The following TAB2 variants were observed in gnomAD, a reference collection of about 807,000 sequenced individuals.
The protein encoded by TAB2 is TGF-beta-activated kinase 1 and MAP3K7-binding protein 2.
In TAB2, 3 loss-of-function variants were observed where a neutral mutation model predicts 65.0. The observed-to-expected ratio is 0.05, with a 90% CI of 0.02 to 0.12. The LOEUF (loss-of-function observed/expected upper bound fraction) is 0.12. Among genes scored for constraint, TAB2 ranks in the 10% least tolerant of loss-of-function variants. TAB2 has a pLI of 1.00. For missense variants in TAB2, 623 were observed against 840.3 expected (o/e 0.74, Z 3.20); for synonymous variants, 298 against 285.1 (o/e 1.05, Z -0.46).
intron 1 of TAB2, among the ~76,000 whole-genome samples, chr6:149,232,611 A>T (rs1212464846): frequency 6.6e-6 from 1 of 152,182 alleles, no homozygotes; most frequent in Admixed American, 6.5e-5. Context: ...CAGGAATACC[A>T]CTAAGGGAGG....
chr6:149,386,496 T>C (rs1022028559), intron 3 of TAB2, among the ~76,000 whole-genome samples: 3 of 152,112 alleles, frequency 2.0e-5, no homozygotes, highest in Non-Finnish European at 4.4e-5. Flanking sequence ...TAATCTACTT[T>C]CTTTCTCGAT....
chr6:149,260,616 G>C (rs1778133821), intron 1 of TAB2, among the ~76,000 whole-genome samples: 1 of 152,204 alleles, frequency 6.6e-6, no homozygotes, highest in African/African-American at 2.4e-5. Flanking sequence ...AGCCACTAAA[G>C]AGCACGGTGG....
At chr6:149,351,530 T>C (rs1222480139) in intron 1 of TAB2, among the ~76,000 whole-genome samples, 2 of 152,218 alleles carry the variant, frequency 1.3e-5, no homozygotes, top group Non-Finnish European at 2.9e-5. Flanking sequence ...ATGATAGTAT[T>C]GATATTTTAT....
At chr6:149,275,147 T>G (rs1324872545) in intron 1 of TAB2, among the ~76,000 whole-genome samples, 2 of 139,254 alleles carry the variant, frequency 1.4e-5, no homozygotes, top group African/African-American at 5.6e-5. Context: ...TTTTTTTGAG[T>G]TGGAGTCTTG....
chr6:149,372,871 T>G (rs1781277120), intron 2 of TAB2, among the ~76,000 whole-genome samples: 1 of 152,216 alleles, frequency 6.6e-6, no homozygotes, highest in Non-Finnish European at 1.5e-5. Context: ...GCGTCTCTTT[T>G]GGGGCTGCTC....
chr6:149,324,524 A>G (rs937090699), intron 1 of TAB2, among the ~76,000 whole-genome samples: 1 of 152,148 alleles, frequency 6.6e-6, no homozygotes, highest in African/African-American at 2.4e-5. Flanking sequence ...TGAGCACATC[A>G]CAAGTTTGCT....
chr6:149,223,422 T>A (rs926516916), intron 1 of TAB2, among the ~76,000 whole-genome samples: 1 of 152,256 alleles, frequency 6.6e-6, no homozygotes, highest in African/African-American at 2.4e-5. Context: ...GAAATGATTC[T>A]AAGAACCCCT....
chr6:149,284,877 CT>C (rs1778641794), intron 1 of TAB2, among the ~76,000 whole-genome samples: 2 of 152,094 alleles, frequency 1.3e-5, no homozygotes, highest in Non-Finnish European at 2.9e-5. Context: ...ATTATTGTCA[CT>C]CTCCCTTTGG....
intron 1 of TAB2, among the ~76,000 whole-genome samples, chr6:149,260,565 C>T (rs1184710411): frequency 6.6e-6 from 1 of 152,238 alleles, no homozygotes; most frequent in Non-Finnish European, 1.5e-5. Flanking sequence ...CTACACACAT[C>T]ATGGACAAAT....
At chr6:149,335,533 A>G (rs1489996636) in intron 1 of TAB2, among the ~76,000 whole-genome samples, 1 of 151,836 alleles carries the variant, frequency 6.6e-6, no homozygotes, top group African/African-American at 2.4e-5. Context: ...ATGCCTGGCT[A>G]ATACTTTTTT....
At chr6:149,403,749 G>GCATGT (rs2114964878) in intron 6 of TAB2, among the ~76,000 whole-genome samples, 1 of 152,064 alleles carries the variant, frequency 6.6e-6, no homozygotes, top group South Asian at 2.1e-4. Flanking sequence ...GCAAGCAGAG[G>GCATGT]CATGTCATAT....
chr6:149,386,440 TC>T (rs1206812829), intron 3 of TAB2, among the ~76,000 whole-genome samples: 16 of 143,468 alleles, frequency 1.1e-4, no homozygotes, highest in African/African-American at 4.1e-4. Context: ...AGCTATCACC[TC>T]CCTATCCCAT....
chr6:149,279,133 A>C (rs1191114940), intron 1 of TAB2, among the ~76,000 whole-genome samples: 1 of 151,808 alleles, frequency 6.6e-6, no homozygotes, highest in Non-Finnish European at 1.5e-5. Flanking sequence ...CTCCACTTAA[A>C]CTTCTCTTCA....
intron 1 of TAB2, among the ~76,000 whole-genome samples, chr6:149,344,355 T>C (rs1358730037): frequency 6.6e-6 from 1 of 152,290 alleles, no homozygotes; most frequent in African/African-American, 2.4e-5. Context: ...ACAAGTAATA[T>C]GAAAGTATCG....
Position 149,353,555 on chromosome 6 carries a change from C to T in TAB2, c.-89-16354C>T, listed in dbSNP as rs532012240. ...CATTAGGAAAAAATCAAGCGGGGAA[C>T]GACCCCTTTAAGTCTTTGTAAAATA... On this transcript the variant is annotated intron_variant, in intron 1 of 6. Transcript: ENST00000637181. 3.9e-5 allele frequency among the ~76,000 whole-genome samples: 6 copies of T among 152,252 alleles called. No homozygotes were observed. In the South Asian group the frequency reaches 6.2e-4, roughly 16 times the overall value.
At chr6:149,219,259 G>A (rs543822232) in intron 1 of TAB2, among the ~76,000 whole-genome samples, 32 of 151,784 alleles carry the variant, frequency 2.1e-4, no homozygotes, top group Admixed American at 4.6e-4. Flanking sequence ...TGCCAAATCC[G>A]CTTCCAGGGT....
intron 6 of TAB2, among the ~76,000 whole-genome samples, chr6:149,407,790 A>T (rs1295091722): frequency 6.6e-6 from 1 of 151,886 alleles, no homozygotes. Flanking sequence ...AAAAAAAAAA[A>T]TCATAATTCT....
At chr6:149,286,218 C>G (rs1778673929) in intron 1 of TAB2, among the ~76,000 whole-genome samples, 1 of 152,050 alleles carries the variant, frequency 6.6e-6, no homozygotes, top group Non-Finnish European at 1.5e-5. Context: ...AGAAGAAATT[C>G]CAGTTGGTAT....
At chr6:149,289,970 G>C (rs113743756) in intron 1 of TAB2, among the ~76,000 whole-genome samples, 3,199 of 152,288 alleles carry the variant, frequency 0.021, 117 homozygotes, top group African/African-American at 0.072. Context: ...TAAAGACCTG[G>C]AATCAAGAGA....
Sources: allele counts gnomAD v4.1 joint callset (sites outside exome capture counted in the v4.1 genomes callset), GRCh38; gene constraint gnomAD v4.1.1; transcripts MANE v1.5; gene names NCBI Gene and HGNC (gene_info 2026-07-23, HGNC 2026-07-21).